The following DEPDC7 variants were observed in gnomAD, a reference collection of about 807,000 sequenced individuals.
DEPDC7 encodes the protein DEP domain-containing protein 7.
Under a neutral mutation model 56.6 loss-of-function variants are expected in DEPDC7, and 41 were observed. That is an observed-to-expected ratio of 0.72 (90% CI 0.56 to 0.94). DEPDC7 has a LOEUF of 0.94. Among genes scored for constraint, DEPDC7 ranks in the 40% least tolerant of loss-of-function variants. The probability of loss-of-function intolerance (pLI) is 0.00; values close to 1 mark genes in which losing one functional copy is unlikely to be tolerated. For synonymous variants in DEPDC7, 185 were observed against 208.8 expected (o/e 0.89, Z 0.98); for missense variants, 522 against 596.3 (o/e 0.88, Z 1.30).
rs140855303 is a variant in DEPDC7, at chr11:33,029,403, A to G, written c.782+611A>G. ...GCTACTTGGGAGGCTGAGGCAGGAA[A>G]ATCACTTGAACTTGGGAGGCAGAGG... On this transcript the variant is annotated intron_variant, in intron 4 of 8. Coordinates refer to ENST00000241051, the MANE Select transcript of DEPDC7 (RefSeq NM_001077242.2). Among the ~76,000 whole-genome samples the G allele has an allele frequency of 3.2e-3, 481 of 151,564 alleles. 3 individuals carry two copies. The highest frequency in any genetic ancestry group is 0.011 in the African/African-American group (440 of 41,234).
chr11:33,025,620 T>C (rs1332293459), intron 1 of DEPDC7, 39 bp from the exon 2 acceptor site: 1 of 1,567,630 alleles, frequency 6.4e-7, no homozygotes. Context: ...ATGAACAAGG[T>C]ACTAAATCCC....
chr11:33,021,118 G>T (rs1853519427), intron 1 of DEPDC7, among the ~76,000 whole-genome samples: 1 of 152,064 alleles, frequency 6.6e-6, no homozygotes, highest in African/African-American at 2.4e-5. Context: ...GCACGTGGTG[G>T]CGCGTGCCTG....
At position 33,028,704 on chromosome 11, in the gene DEPDC7, A is replaced by G. The variant is rs1853603188; in HGVS notation, c.694A>G (p.Lys232Glu). The G allele has an allele frequency of 6.2e-7, 1 of 1,614,008 alleles. No individual in the cohort carries two copies. Among genetic ancestry groups the G allele is most frequent in the South Asian group, 1.1e-5 (1 of 91,058 alleles). ...SLLKQQEAVP[K>E]IPQPKRQSTM... ...ACTGAAACAGCAAGAGGCTGTACCT[A>G]AAATTCCTCAACCTAAGAGGCAGTC... Residue 232 changes from lysine to glutamate, a missense_variant, in exon 4 of 9, where the codon AAA becomes GAA. Physicochemically the swap from Lys to Glu is moderately conservative, Grantham distance 56 (BLOSUM62 1). Coordinates refer to ENST00000241051, the MANE Select transcript of DEPDC7 (RefSeq NM_001077242.2).
Position 33,033,296 on chromosome 11 carries a change from C to T in DEPDC7, c.1377C>T (p.Asp459=), listed in dbSNP as rs1853653090. The T allele has an allele frequency of 6.2e-7, 1 of 1,600,482 alleles. No homozygotes were observed. Among genetic ancestry groups the T allele is most frequent in the Non-Finnish European group, 8.5e-7 (1 of 1,176,476 alleles). Residue 459 remains aspartate, a synonymous_variant, in exon 9 of 9, where the codon GAC becomes GAT. Coordinates refer to ENST00000241051, the MANE Select transcript of DEPDC7 (RefSeq NM_001077242.2). Reference sequence around the variant, plus strand: ...ATTGCCAGAGAATTGATCAACGTGACTATTCCAACAATACAGAGAAGACAA... The same window carrying T: ...ATTGCCAGAGAATTGATCAACGTGATTATTCCAACAATACAGAGAAGACAA... ...YIYCQRIDQR[D]YSNNTEKTTK... is the part of the protein sequence containing the mutation.
intron 8 of DEPDC7, 114 bp from the exon 9 acceptor site, chr11:33,033,148 G>A: frequency 2.2e-6 from 2 of 923,936 alleles, no homozygotes; most frequent in Non-Finnish European, 1.6e-6. Context: ...ACCATCTTCA[G>A]TGCATATTAC....
chr11:33,032,891 T>C lies in DEPDC7; in HGVS notation c.1266T>C (p.Ile422=). Residue 422 remains isoleucine, a splice_region_variant and synonymous_variant, in exon 8 of 9, where the codon ATT becomes ATC. Coordinates refer to ENST00000241051, the MANE Select transcript of DEPDC7 (RefSeq NM_001077242.2). ...LMDHQKDVFK[I]PGTLHKIVSV... is the part of the protein sequence containing the mutation. ...CCATGTCCCTTCTTTTTCTTAAGATTCCTGGAACTCTACATAAAATTGTAA... is the reference window on the plus strand; with the variant it reads ...CCATGTCCCTTCTTTTTCTTAAGATCCCTGGAACTCTACATAAAATTGTAA... 6.2e-7 allele frequency: 1 copy of C among 1,601,194 alleles called. No individual in the cohort carries two copies.
chr11:33,030,188 G>A (rs1853618192), intron 4 of DEPDC7, among the ~76,000 whole-genome samples: 1 of 152,272 alleles, frequency 6.6e-6, no homozygotes, highest in African/African-American at 2.4e-5. Flanking sequence ...TTGAACTCCC[G>A]ACCTTGTGAT....
chr11:33,023,093 G>T (rs1313243168), intron 1 of DEPDC7, among the ~76,000 whole-genome samples: 1 of 152,004 alleles, frequency 6.6e-6, no homozygotes, highest in African/African-American at 2.4e-5. Context: ...GCCGGGCGTG[G>T]TGGCGGGCAC....
chr11:33,031,302 T>C (rs1236164463), intron 4 of DEPDC7, 76 bp from the exon 5 acceptor site: 7 of 1,044,626 alleles, frequency 6.7e-6, no homozygotes, highest in African/African-American at 3.1e-5. Flanking sequence ...TTAGGTACCA[T>C]GTGTATATTT....
chr11:33,030,615 G>A (rs1037328059), intron 4 of DEPDC7, among the ~76,000 whole-genome samples: 5 of 151,632 alleles, frequency 3.3e-5, no homozygotes, highest in African/African-American at 1.2e-4. Context: ...ATGAGGTCTC[G>A]CTCTGTTGCC....
chr11:33,020,286 A>G (rs914573322), intron 1 of DEPDC7, among the ~76,000 whole-genome samples: 4 of 152,206 alleles, frequency 2.6e-5, no homozygotes, highest in Admixed American at 2.0e-4. Flanking sequence ...TAAGTGTTCA[A>G]TATTATCTTA....
At chr11:33,024,651 G>A (rs771960155) in intron 1 of DEPDC7, among the ~76,000 whole-genome samples, 1 of 152,222 alleles carries the variant, frequency 6.6e-6, no homozygotes, top group East Asian at 1.9e-4. Context: ...GTAAGCAATT[G>A]TAACACAATG....
At position 33,025,918 on chromosome 11, in the gene DEPDC7, T is replaced by G; in HGVS notation, c.333T>G (p.Val111=). 6.2e-7 allele frequency: 1 copy of G among 1,614,174 alleles called. No individual in the cohort carries two copies. Residue 111 remains valine, a synonymous_variant, in exon 2 of 9, where the codon GTT becomes GTG. Coordinates refer to ENST00000241051, the MANE Select transcript of DEPDC7 (RefSeq NM_001077242.2). ...TGGACTACAAAGTATTTGAAGCAGT[T>G]CCAACCAAAGTCTTTGGAAAAGACA... ...ALMDYKVFEA[V]PTKVFGKDKK...
Position 33,032,422 on chromosome 11 carries a change from C to T in DEPDC7, c.1081C>T (p.Leu361=), listed in dbSNP as rs1377672820. The T allele has an allele frequency of 1.3e-6, 2 of 1,577,676 alleles. No homozygotes were observed. Among genetic ancestry groups the T allele is most frequent in the Non-Finnish European group, 1.7e-6 (2 of 1,170,744 alleles). The change falls in exon 6 of 9, where the codon CTA becomes TTA. Residue 361 remains leucine (L), a synonymous_variant. Coordinates refer to ENST00000241051, the MANE Select transcript of DEPDC7 (RefSeq NM_001077242.2). ...DFQNREEFRR[L]LYFMAVAANP... ...CCAAAATAGAGAAGAATTTAGAAGA[C>T]TACTGTATTTCATGGCTGTTGCAGC...
At chr11:33,016,102 C>A in intron 1 of DEPDC7, 74 bp downstream of exon 1, 1 of 1,276,200 alleles carries the variant, frequency 7.8e-7, no homozygotes, top group Non-Finnish European at 9.9e-7. Context: ...CGGCGCGGGG[C>A]GGGCGGCGTG....
At chr11:33,018,573 A>C (rs1296013046) in intron 1 of DEPDC7, among the ~76,000 whole-genome samples, 1 of 152,190 alleles carries the variant, frequency 6.6e-6, no homozygotes, top group Non-Finnish European at 1.5e-5. Context: ...AGTAGGAGTA[A>C]ATAAAAGGTA....
chr11:33,033,112 C>G (rs1163113163), intron 8 of DEPDC7, 145 bp downstream of exon 8: 21 of 912,386 alleles, frequency 2.3e-5, no homozygotes, highest in Non-Finnish European at 3.1e-5. Context: ...AGCAACTTTA[C>G]AAGTGTTAGA....
intron 1 of DEPDC7, 45 bp downstream of exon 1, chr11:33,016,073 G>T (rs1015718340): frequency 1.8e-5 from 25 of 1,391,680 alleles, no homozygotes; most frequent in Non-Finnish European, 2.3e-5. Flanking sequence ...GGGCGGGCTG[G>T]GGTGCGCGGG....
chr11:33,031,653 T>C, intron 5 of DEPDC7, 64 bp downstream of exon 5: 1 of 1,326,430 alleles, frequency 7.5e-7, no homozygotes, highest in Non-Finnish European at 1.1e-6. Context: ...AAGTTAGTTC[T>C]CAAACTGAAC....
Sources: gnomAD v4.1 joint callset for allele counts (sites outside exome capture counted in the v4.1 genomes callset) on GRCh38, gnomAD v4.1.1 for gene constraint, MANE v1.5 for transcripts, NCBI Gene and HGNC (gene_info 2026-07-23, HGNC 2026-07-21) for gene names.